C9orf85: variants seen among roughly 807,000 people sequenced by gnomAD.
The protein encoded by C9orf85 is chromosome 9 open reading frame 85.
C9orf85 carries 16 observed loss-of-function variants against 14.9 expected under a neutral mutation model. That is an observed-to-expected ratio of 1.08 (90% CI 0.73 to 1.63). The LOEUF is 1.63. Among genes scored for constraint, C9orf85 ranks in the 40% most tolerant of loss-of-function variants. C9orf85 has a pLI of 0.00. For synonymous variants in C9orf85, 45 were observed against 56.8 expected, an observed-to-expected ratio of 0.79 and a Z score of 0.93; for missense variants, 172 against 186.1, an observed-to-expected ratio of 0.92 and a Z score of 0.44.
intron 1 of C9orf85, among the ~76,000 whole-genome samples, chr9:71,921,920 ATTTTT>A (rs148538016): frequency 4.8e-5 from 7 of 146,780 alleles, no homozygotes; most frequent in Non-Finnish European, 7.4e-5. Context: ...TTGGCTTTTT[ATTTTT>A]TTTTTATTAT....
intron 2 of C9orf85, among the ~76,000 whole-genome samples, chr9:71,948,493 AC>A (rs918806414): frequency 6.6e-6 from 1 of 151,054 alleles, no homozygotes; most frequent in African/African-American, 2.4e-5. Context: ...GGTATAGTTG[AC>A]CCCCCTTTTG....
chr9:71,947,643 TTTC>T (rs1822135079), intron 2 of C9orf85, among the ~76,000 whole-genome samples: 1 of 152,028 alleles, frequency 6.6e-6, no homozygotes, highest in Admixed American at 6.6e-5. Flanking sequence ...CTTTTTTTTT[TTTC>T]TTTCTTTCTT....
intron 1 of C9orf85, among the ~76,000 whole-genome samples, chr9:71,927,300 G>C (rs1323508111): frequency 2.0e-5 from 3 of 151,090 alleles, no homozygotes; most frequent in African/African-American, 7.3e-5. Context: ...ACATTTAGGG[G>C]TGTACTCCAG....
At chr9:71,969,176 G>A (rs1018194503) in intron 2 of C9orf85, among the ~76,000 whole-genome samples, 2 of 152,054 alleles carry the variant, frequency 1.3e-5, no homozygotes, top group African/African-American at 2.4e-5. Flanking sequence ...CTTAGAACTC[G>A]CTGTGTTTAA....
intron 2 of C9orf85, among the ~76,000 whole-genome samples, chr9:71,967,419 A>G (rs1367145381): frequency 6.6e-6 from 1 of 152,158 alleles, no homozygotes; most frequent in African/African-American, 2.4e-5. Flanking sequence ...CTACCTTGTG[A>G]TAAGTCTTGA....
At chr9:71,931,574 C>T (rs1828070390) in intron 1 of C9orf85, among the ~76,000 whole-genome samples, 1 of 152,108 alleles carries the variant, frequency 6.6e-6, no homozygotes, top group African/African-American at 2.4e-5. Context: ...GAGTCAGAGG[C>T]GTGGCCTTGA....
chr9:71,935,018 C>T (rs935362310), intron 1 of C9orf85, among the ~76,000 whole-genome samples: 3 of 152,100 alleles, frequency 2.0e-5, no homozygotes, highest in African/African-American at 7.2e-5. Flanking sequence ...AAAGCATGCT[C>T]GTCACTAATC....
chr9:71,970,004 GC>G lies in C9orf85; in HGVS notation c.210-1500del, dbSNP rs1208244466. On this transcript the variant is annotated intron_variant, in intron 2 of 3. Transcript: ENST00000334731. ...TTGTCGCCCAGGCTGGAGTGCAATG[GC>G]ACAATCTCAGCTCACTGCAACCTCC... 2.6e-5 allele frequency among the ~76,000 whole-genome samples: 4 copies of G among 151,804 alleles called. No individual in the cohort carries two copies. In the South Asian group the frequency reaches 8.3e-4, roughly 32 times the overall value.
At chr9:71,953,830 C>T (rs528859830) in intron 2 of C9orf85, among the ~76,000 whole-genome samples, 1 of 152,192 alleles carries the variant, frequency 6.6e-6, no homozygotes, top group African/African-American at 2.4e-5. Flanking sequence ...CAGGCACAGT[C>T]GCTCACACCT....
At chr9:71,979,950 C>A (rs1188736057) in intron 3 of C9orf85, among the ~76,000 whole-genome samples, 1 of 151,842 alleles carries the variant, frequency 6.6e-6, no homozygotes, top group East Asian at 1.9e-4. Context: ...CTTATGTATT[C>A]CACTTTTTAT....
chr9:71,948,979 C>A (rs192225917), intron 2 of C9orf85, among the ~76,000 whole-genome samples: 18 of 152,284 alleles, frequency 1.2e-4, no homozygotes, highest in Admixed American at 1.1e-3. Flanking sequence ...TTTGCATTAC[C>A]CAATTTTAGA....
At chr9:71,942,251 A>G (rs987201845) in intron 1 of C9orf85, among the ~76,000 whole-genome samples, 8 of 152,220 alleles carry the variant, frequency 5.3e-5, no homozygotes, top group Admixed American at 5.2e-4. Flanking sequence ...TTGTGTTGTA[A>G]GGACATTTTT....
downstream of C9orf85, among the ~76,000 whole-genome samples, chr9:71,977,699 T>A (rs1021577584): frequency 6.6e-6 from 1 of 152,202 alleles, no homozygotes; most frequent in Non-Finnish European, 1.5e-5. Context: ...TTCCTTTCCT[T>A]GTAACATTAA....
At chr9:71,925,089 A>G (rs982790985) in intron 1 of C9orf85, among the ~76,000 whole-genome samples, 1 of 152,232 alleles carries the variant, frequency 6.6e-6, no homozygotes, top group African/African-American at 2.4e-5. Context: ...TTACTGTGGT[A>G]GTTAATTCTA....
chr9:71,972,105 GAAAAT>G (rs1822889907), intron 3 of C9orf85, among the ~76,000 whole-genome samples: 2 of 151,360 alleles, frequency 1.3e-5, no homozygotes, highest in South Asian at 4.2e-4. Context: ...ATATTTTTAA[GAAAAT>G]AAAATATTTA....
chr9:71,947,773 A>G (rs1204239287), intron 2 of C9orf85, among the ~76,000 whole-genome samples: 1 of 152,018 alleles, frequency 6.6e-6, no homozygotes, highest in Non-Finnish European at 1.5e-5. Context: ...CCTCCCAAGT[A>G]ACTGGCATTA....
downstream of C9orf85, chr9:71,985,286 G>A (rs1823188527): frequency 1.3e-5 from 2 of 152,184 alleles, no homozygotes; most frequent in South Asian, 4.1e-4. Context: ...TGAGGCCTTT[G>A]TTCTAGTTAC....
intron 1 of C9orf85, among the ~76,000 whole-genome samples, chr9:71,937,709 A>C (rs1279028541): frequency 1.3e-5 from 2 of 152,144 alleles, no homozygotes; most frequent in Non-Finnish European, 2.9e-5. Context: ...ACTTCAGAGA[A>C]TATTATTTTA....
At chr9:71,951,979 T>C (rs1481611358) in intron 2 of C9orf85, among the ~76,000 whole-genome samples, 3 of 152,162 alleles carry the variant, frequency 2.0e-5, no homozygotes, top group Non-Finnish European at 4.4e-5. Flanking sequence ...ATTATAGACA[T>C]TTATATATTT....
Sources: allele counts gnomAD v4.1 joint callset (sites outside exome capture counted in the v4.1 genomes callset), GRCh38; gene constraint gnomAD v4.1.1; transcripts MANE v1.5; gene names NCBI Gene and HGNC (gene_info 2026-07-23, HGNC 2026-07-21).